ZGPAT: variants seen among roughly 807,000 people sequenced by gnomAD.
ZGPAT encodes the protein zinc finger CCCH-type and G-patch domain containing, also known as zinc finger CCCH-type with G patch domain-containing protein.
A neutral mutation model predicts 47.9 loss-of-function variants in ZGPAT; 39 were observed. The ratio of observed to expected loss-of-function variants is 0.81; its 90% CI spans 0.63 to 1.06. The LOEUF is 1.06. Among genes scored for constraint, ZGPAT ranks in the 50% least tolerant of loss-of-function variants. The pLI is 0.00. For synonymous variants in ZGPAT, 348 were observed against 292.9 expected (o/e 1.19, Z -1.92); for missense variants, 717 against 681.4 (o/e 1.05, Z -0.58).
chr20:63,715,569 C>T (rs2091719153), intron 2 of ZGPAT, among the ~76,000 whole-genome samples: 1 of 151,964 alleles, frequency 6.6e-6, no homozygotes, highest in South Asian at 2.1e-4. Flanking sequence ...AGTTTAAGGC[C>T]TTATCATGTA....
At chr20:63,725,276 G>C (rs375565202) in intron 2 of ZGPAT, among the ~76,000 whole-genome samples, 1 of 152,192 alleles carries the variant, frequency 6.6e-6, no homozygotes, top group African/African-American at 2.4e-5. Flanking sequence ...GAGCCACCGC[G>C]CCCGGCTAGA....
chr20:63,708,530 T>G (rs1481689521), intron 1 of ZGPAT, 23 bp from the exon 2 acceptor site: 2 of 1,514,376 alleles, frequency 1.3e-6, no homozygotes, highest in South Asian at 2.6e-5. Context: ...GACGCGGGGC[T>G]CAGCTGGCTT....
At position 63,709,010 on chromosome 20, in the gene ZGPAT, A is replaced by C; in HGVS notation, c.430A>C (p.Thr144Pro). 1.2e-6 allele frequency: 2 copies of C among 1,613,572 alleles called. No individual in the cohort carries two copies. Among genetic ancestry groups the C allele is most frequent in the South Asian group, 1.1e-5 (1 of 91,082 alleles). Reference sequence around the variant, plus strand: ...CGCGCCCTACTACAGCTCCTGGGGCACTCTGGAGTATCACAACGCCATGGT... The same window carrying C: ...CGCGCCCTACTACAGCTCCTGGGGCCCTCTGGAGTATCACAACGCCATGGT... ...VSAPYYSSWG[T>P]LEYHNAMVVG... The change falls in exon 2 of 7, where the codon ACT becomes CCT. Residue 144 changes from threonine (T) to proline (P), a missense_variant. By Grantham distance (38) the Thr-to-Pro change is conservative. Coordinates refer to ENST00000355969, the MANE Select transcript of ZGPAT (RefSeq NM_181485.3).
Position 63,732,319 on chromosome 20 carries a change from G to A in ZGPAT, c.585-900G>A, listed in dbSNP as rs976130208. Among the ~76,000 whole-genome samples the A allele has an allele frequency of 4.6e-5, 3 of 64,612 alleles. No homozygotes were observed. In the East Asian group the frequency reaches 8.9e-4, roughly 19 times the overall value. The allele number at this position is 64,612 out of a possible 152,430, so 42.4% of individuals were successfully genotyped here. ...TGTGTGCATGTGTGTGGGTGAGGGG[G>A]CATGTGTGTGCACGTGTGTGGGTGA... is the stretch of plus-strand genomic sequence containing the variant. On this transcript the variant is annotated intron_variant, in intron 2 of 6. Transcript: ENST00000355969.
At chr20:63,734,879 C>G in intron 5 of ZGPAT, 55 bp downstream of exon 5, 1 of 1,512,962 alleles carries the variant, frequency 6.6e-7, no homozygotes. Context: ...TAGCCCAGGT[C>G]CAGCAGCCAT....
At position 63,709,767 on chromosome 20, in the gene ZGPAT, C is replaced by T. The variant is rs540168003; in HGVS notation, c.584+603C>T. On this transcript the variant is annotated intron_variant, in intron 2 of 6. Transcript: ENST00000355969. ...AGTCCTGGCTCACTGCAGCCTGGAC[C>T]TCCTGGGCTCAACCGATCCTCCTGC... is the stretch of plus-strand genomic sequence containing the variant. Among the ~76,000 whole-genome samples, 14 of 152,140 alleles carry T rather than the reference C, an allele frequency of 9.2e-5. No homozygotes were observed. The East Asian group carries it at 2.7e-3, about 29-fold the overall frequency.
chr20:63,709,192 C>T lies in ZGPAT; in HGVS notation c.584+28C>T, dbSNP rs1380098860. The T allele has an allele frequency of 2.5e-6, 4 of 1,602,230 alleles. No homozygotes were observed. The South Asian group carries it at 3.3e-5, about 13-fold the overall frequency. On this transcript the variant is annotated intron_variant, in intron 2 of 6. Coordinates refer to ENST00000355969, the MANE Select transcript of ZGPAT (RefSeq NM_181485.3). ...AAAGCCCTTTGTTGTCAGATGCCAA[C>T]CTTAGGGGCGTAAGGGGCACGCACA... is the stretch of plus-strand genomic sequence containing the variant.
At chr20:63,730,943 TCTCTCTCTCTCTC>T (rs2091892479) in intron 2 of ZGPAT, among the ~76,000 whole-genome samples, 2 of 146,856 alleles carry the variant, frequency 1.4e-5, no homozygotes, top group African/African-American at 5.4e-5. Flanking sequence ...TCTCTCTCTC[TCTCTCTCTCTCTC>T]TCTCTCTCTC....
chr20:63,732,751 T>C (rs2091929737), intron 2 of ZGPAT, among the ~76,000 whole-genome samples: 1 of 151,948 alleles, frequency 6.6e-6, no homozygotes, highest in African/African-American at 2.4e-5. Context: ...TATGTGTGTG[T>C]ATGCCTGTGT....
Position 63,708,982 on chromosome 20 carries a change from G to C in ZGPAT, c.402G>C (p.Val134=), listed in dbSNP as rs370031085. 1.2e-6 allele frequency: 2 copies of C among 1,613,578 alleles called. No homozygotes were observed. The highest frequency in any genetic ancestry group is 1.3e-5 in the African/African-American group (1 of 75,048). The change falls in exon 2 of 7, where the codon GTG becomes GTC. Residue 134 remains valine (V), a synonymous_variant. Transcript: ENST00000355969. ...AGGAAGAGCTGAGTGGGACAAAGGT[G>C]AGCGCGCCCTACTACAGCTCCTGGG... ...EDEEELSGTK[V]SAPYYSSWGT...
intron 2 of ZGPAT, among the ~76,000 whole-genome samples, chr20:63,729,271 C>G (rs562660523): frequency 6.6e-6 from 1 of 152,278 alleles, no homozygotes; most frequent in African/African-American, 2.4e-5. Flanking sequence ...CTCAAGTGAT[C>G]CGCCTACCTC....
At chr20:63,729,940 G>A (rs547883150) in intron 2 of ZGPAT, 1 of 152,000 alleles carries the variant, frequency 6.6e-6, no homozygotes, top group East Asian at 1.9e-4. Context: ...AGGATTGCTT[G>A]AGCCCAGGAG....
At position 63,736,048 on chromosome 20, in the gene ZGPAT, G is replaced by A; in HGVS notation, c.*129G>A. 2.2e-6 allele frequency: 3 copies of A among 1,355,422 alleles called. No individual in the cohort carries two copies. The highest frequency in any genetic ancestry group is 3.0e-6 in the Non-Finnish European group (3 of 1,005,214). The allele number at this position is 1,355,422 out of a possible 1,614,324, so 84.0% of individuals were successfully genotyped here. A position where few individuals can be genotyped will look rare whatever the true frequency, so the allele number is the denominator to read the frequency against. ...GCAGACACTGCTGAGTGGAGACAGA[G>A]CTGCGGGGTCCCATCTGGACACTTA... On this transcript the variant is annotated 3_prime_UTR_variant, in exon 7 of 7. Transcript: ENST00000355969.
chr20:63,733,255 G>A lies in ZGPAT; in HGVS notation c.621G>A (p.Leu207=). The A allele has an allele frequency of 1.2e-6, 2 of 1,613,798 alleles. No individual in the cohort carries two copies. The highest frequency in any genetic ancestry group is 1.7e-6 in the Non-Finnish European group (2 of 1,179,940). Residue 207 remains leucine, a synonymous_variant, in exon 3 of 7, where the codon CTG becomes CTA. Transcript: ENST00000355969. ...SHGQVVSLDE[L]RPFQDPDLSS... The stretch of plus-strand genomic sequence containing the variant: ...GGCAGGTGGTCTCTCTGGATGAGCT[G>A]CGCCCCTTCCAGGACCCAGACCTGA...
intron 2 of ZGPAT, among the ~76,000 whole-genome samples, chr20:63,715,714 C>T (rs1205275069): frequency 2.6e-5 from 4 of 151,996 alleles, no homozygotes; most frequent in African/African-American, 9.7e-5. Flanking sequence ...ATATTGGCCT[C>T]ATAGAATGAG....
At chr20:63,731,320 A>G (rs2091898703) in intron 2 of ZGPAT, among the ~76,000 whole-genome samples, 1 of 126,076 alleles carries the variant, frequency 7.9e-6, no homozygotes, top group South Asian at 2.9e-4. Context: ...GCATGTGCAT[A>G]CATGTGTAAA....
intron 2 of ZGPAT, among the ~76,000 whole-genome samples, chr20:63,725,282 C>T (rs1375663319): frequency 6.6e-6 from 1 of 152,216 alleles, no homozygotes; most frequent in East Asian, 1.9e-4. Flanking sequence ...CCGCGCCCGG[C>T]TAGAATTTCT....
intron 5 of ZGPAT, 120 bp downstream of exon 5, chr20:63,734,944 C>T (rs2091963602): frequency 2.2e-6 from 3 of 1,383,246 alleles, no homozygotes; most frequent in Non-Finnish European, 1.9e-6. Context: ...AGCCACAGCA[C>T]TGCCATCCCC....
At chr20:63,721,852 G>A (rs1192774461) in intron 2 of ZGPAT, among the ~76,000 whole-genome samples, 1 of 151,904 alleles carries the variant, frequency 6.6e-6, no homozygotes, top group Non-Finnish European at 1.5e-5. Flanking sequence ...CCCGTCTCTA[G>A]TAAAAATACA....
Sources: gnomAD v4.1 joint callset for allele counts (sites outside exome capture counted in the v4.1 genomes callset) on GRCh38, gnomAD v4.1.1 for gene constraint, MANE v1.5 for transcripts, NCBI Gene and HGNC (gene_info 2026-07-23, HGNC 2026-07-21) for gene names.